Variants in PCNX2 observed in about 807,000 individuals in gnomAD.
The protein encoded by PCNX2 is pecanex 2.
In PCNX2, 168 loss-of-function variants were observed where a neutral mutation model predicts 223.8. The observed-to-expected ratio is 0.75, with a 90% CI of 0.66 to 0.85. The LOEUF is 0.85. Among genes scored for constraint, PCNX2 ranks in the 40% least tolerant of loss-of-function variants. The pLI, the probability that PCNX2 is intolerant of heterozygous loss-of-function variation, is 0.00. For missense variants in PCNX2, 2,507 were observed against 2,675.5 expected, an observed-to-expected ratio of 0.94 and a Z score of 1.39; for synonymous variants, 1,006 against 1,052.6, an observed-to-expected ratio of 0.96 and a Z score of 0.86.
chr1:233,054,450 T>TA lies in PCNX2; in HGVS notation c.4168dup (p.Tyr1390LeufsTer2). The TA allele has an allele frequency of 1.2e-6, 2 of 1,613,674 alleles. No individual in the cohort carries two copies. The highest frequency in any genetic ancestry group is 1.7e-6 in the Non-Finnish European group (2 of 1,179,718). On this transcript the variant is annotated frameshift_variant, in exon 25 of 34. Transcript: ENST00000258229. LOFTEE classifies it high-confidence loss of function. ...CTGGAGGGTCCTTGTCAAGTGTTCA[T>TA]AAAAAATGGAATTGAGATTGTTGTC...
At chr1:233,015,617 C>CG (rs1156626045) in intron 27 of PCNX2, among the ~76,000 whole-genome samples, 2 of 151,928 alleles carry the variant, frequency 1.3e-5, no homozygotes, top group African/African-American at 4.8e-5. Context: ...CGCTGGAACC[C>CG]GGGGGGCAGA....
intron 12 of PCNX2, 137 bp from the exon 13 acceptor site, chr1:233,208,826 C>CAAAAAAAAAAAAAAAAAAAAAAAAAAAG (rs71173255): frequency 2.4e-4 from 14 of 59,522 alleles, no homozygotes; most frequent in Non-Finnish European, 3.8e-4. Flanking sequence ...AATTCATATA[C>CAAAAAAAAAAAAAAAAAAAAAAAAAAAG]AAAAAAAAAA....
intron 23 of PCNX2, 86 bp from the exon 24 acceptor site, chr1:233,057,376 G>A: frequency 1.9e-6 from 2 of 1,041,528 alleles, no homozygotes; most frequent in Non-Finnish European, 2.9e-6. Flanking sequence ...TGCATGAGTG[G>A]AAAATGCAAA....
chr1:233,011,234 A>T (rs1349764022), intron 28 of PCNX2, among the ~76,000 whole-genome samples: 1 of 152,238 alleles, frequency 6.6e-6, no homozygotes, highest in African/African-American at 2.4e-5. Context: ...CAGAATTGTA[A>T]GCATGTTTCA....
intron 21 of PCNX2, among the ~76,000 whole-genome samples, chr1:233,124,954 T>A (rs966911772): frequency 6.6e-6 from 1 of 152,194 alleles, no homozygotes; most frequent in African/African-American, 2.4e-5. Context: ...ATACCCACAT[T>A]TAAATACACT....
intron 19 of PCNX2, among the ~76,000 whole-genome samples, chr1:233,141,071 G>C (rs888581779): frequency 3.9e-5 from 6 of 152,012 alleles, no homozygotes; most frequent in African/African-American, 1.2e-4. Context: ...CAATGACCTA[G>C]AGTTAAAAAG....
intron 24 of PCNX2, among the ~76,000 whole-genome samples, chr1:233,056,495 G>C (rs1289247563): frequency 6.6e-6 from 1 of 152,152 alleles, no homozygotes; most frequent in East Asian, 1.9e-4. Context: ...GCACCTCAGA[G>C]ATATCAGTAC....
At chr1:233,148,148 G>A (rs938480025) in intron 19 of PCNX2, among the ~76,000 whole-genome samples, 2 of 152,130 alleles carry the variant, frequency 1.3e-5, no homozygotes, top group African/African-American at 4.8e-5. Flanking sequence ...CTAGATGAGA[G>A]GACAGCAAAT....
intron 23 of PCNX2, among the ~76,000 whole-genome samples, chr1:233,076,654 C>A (rs1673110586): frequency 6.6e-6 from 1 of 152,206 alleles, no homozygotes; most frequent in Non-Finnish European, 1.5e-5. Context: ...CACTTTAAAT[C>A]TTAAAATCTA....
At chr1:233,068,788 C>A (rs777312354) in intron 23 of PCNX2, among the ~76,000 whole-genome samples, 6 of 151,708 alleles carry the variant, frequency 4.0e-5, no homozygotes, top group Non-Finnish European at 8.8e-5. Context: ...CAGGAAAAAA[C>A]AAATGAAAAT....
intron 25 of PCNX2, among the ~76,000 whole-genome samples, chr1:233,036,985 A>G (rs1671476959): frequency 6.6e-6 from 1 of 152,208 alleles, no homozygotes; most frequent in Admixed American, 6.5e-5. Context: ...CCAGACACAG[A>G]AAGACTGAGT....
At chr1:233,036,311 T>A (rs1338369907) in intron 25 of PCNX2, among the ~76,000 whole-genome samples, 1 of 152,154 alleles carries the variant, frequency 6.6e-6, no homozygotes, top group Non-Finnish European at 1.5e-5. Flanking sequence ...CTATATTTAA[T>A]TTGTGGAAAG....
At chr1:233,248,318 G>A (rs1016218016) in intron 8 of PCNX2, among the ~76,000 whole-genome samples, 10 of 151,960 alleles carry the variant, frequency 6.6e-5, no homozygotes, top group Non-Finnish European at 1.3e-4. Context: ...GTGTGTGTAC[G>A]TAAGCCCAGG....
At chr1:233,029,918 G>T (rs889666157) in intron 25 of PCNX2, among the ~76,000 whole-genome samples, 23 of 151,804 alleles carry the variant, frequency 1.5e-4, no homozygotes, top group South Asian at 6.2e-4. Context: ...TTTAGGTTTG[G>T]TTTTCTTTGT....
At chr1:233,222,337 G>A (rs1657431610) in intron 10 of PCNX2, among the ~76,000 whole-genome samples, 1 of 152,110 alleles carries the variant, frequency 6.6e-6, no homozygotes, top group African/African-American at 2.4e-5. Flanking sequence ...AGTGAAATGG[G>A]GAGCCATTGC....
chr1:233,057,853 C>CAA (rs113587409), intron 23 of PCNX2: 20,540 of 782,918 alleles, frequency 0.026, 2 homozygotes, highest in Non-Finnish European at 0.029. Context: ...GAGCAAGACT[C>CAA]AAAAAAAAAA....
At chr1:233,068,548 C>T (rs1387492438) in intron 23 of PCNX2, among the ~76,000 whole-genome samples, 3 of 151,948 alleles carry the variant, frequency 2.0e-5, no homozygotes, top group Non-Finnish European at 4.4e-5. Context: ...AGTGTATATA[C>T]AGAAAATATT....
At chr1:233,060,043 G>C (rs1400147364) in intron 23 of PCNX2, among the ~76,000 whole-genome samples, 2 of 152,206 alleles carry the variant, frequency 1.3e-5, no homozygotes, top group African/African-American at 4.8e-5. Context: ...AGATCCTGTT[G>C]AGTTCTGTGA....
intron 1 of PCNX2, chr1:233,290,747 G>GT: frequency 1.0e-6 from 1 of 983,722 alleles, no homozygotes; most frequent in Non-Finnish European, 1.2e-6. Context: ...ATCAAAGAAG[G>GT]TCTCTAAGAT....
Sources: allele counts gnomAD v4.1 joint callset (sites outside exome capture counted in the v4.1 genomes callset), GRCh38; gene constraint gnomAD v4.1.1; transcripts MANE v1.5; gene names NCBI Gene and HGNC (gene_info 2026-07-23, HGNC 2026-07-21).